Variants in MORC1 observed in about 807,000 individuals in gnomAD.
MORC1 encodes MORC family CW-type zinc finger protein 1.
In MORC1, 59 loss-of-function variants were observed where a neutral mutation model predicts 134.9. That is an observed-to-expected ratio of 0.44 (90% CI 0.35 to 0.54). The LOEUF (loss-of-function observed/expected upper bound fraction) is 0.54, where lower values mean the gene tolerates loss of function less well. Ranked by LOEUF, MORC1 falls within the 20% of genes least tolerant of loss-of-function variation. The pLI is 0.00. For synonymous variants in MORC1, 395 were observed against 391.7 expected (o/e 1.01, Z -0.10); for missense variants, 947 against 1,134.5 (o/e 0.83, Z 2.37).
At chr3:109,080,451 G>A (rs1465754123) in intron 8 of MORC1, among the ~76,000 whole-genome samples, 1 of 151,992 alleles carries the variant, frequency 6.6e-6, no homozygotes, top group Admixed American at 6.6e-5. Flanking sequence ...GATCTGGGTG[G>A]GGACACAGCC....
intron 24 of MORC1, among the ~76,000 whole-genome samples, chr3:108,971,792 G>A (rs1366350737): frequency 6.8e-6 from 1 of 147,436 alleles, no homozygotes; most frequent in African/African-American, 2.5e-5. Context: ...AAAATAAAAA[G>A]GTTACTGAAA....
At chr3:109,076,927 G>C (rs1158833970) in intron 8 of MORC1, among the ~76,000 whole-genome samples, 1 of 144,374 alleles carries the variant, frequency 6.9e-6, no homozygotes, top group Non-Finnish European at 1.5e-5. Flanking sequence ...GTATACCTAT[G>C]TAACAAACCT....
At chr3:109,113,644 C>G (rs1474682940) in intron 2 of MORC1, among the ~76,000 whole-genome samples, 1 of 151,592 alleles carries the variant, frequency 6.6e-6, no homozygotes, top group Non-Finnish European at 1.5e-5. Context: ...ATATAAAACA[C>G]GTCAAATGCT....
At chr3:109,088,964 C>G (rs1295203215) in intron 8 of MORC1, among the ~76,000 whole-genome samples, 1 of 152,038 alleles carries the variant, frequency 6.6e-6, no homozygotes, top group East Asian at 1.9e-4. Context: ...AACACAGGAA[C>G]AGAAAACTAA....
intron 21 of MORC1, among the ~76,000 whole-genome samples, chr3:108,994,293 T>C (rs16855140): frequency 0.031 from 4,760 of 152,142 alleles, 237 homozygotes; most frequent in African/African-American, 0.11. Context: ...AAAATGTCTA[T>C]AGATTGGGAA....
intron 23 of MORC1, among the ~76,000 whole-genome samples, chr3:108,983,320 T>C (rs1947801843): frequency 6.6e-6 from 1 of 152,138 alleles, no homozygotes; most frequent in South Asian, 2.1e-4. Flanking sequence ...CAGTCCCTAC[T>C]CTCATGGAGT....
chr3:109,061,424 T>C (rs1950080788), intron 11 of MORC1, among the ~76,000 whole-genome samples: 1 of 150,668 alleles, frequency 6.6e-6, no homozygotes, highest in South Asian at 2.1e-4. Flanking sequence ...ATGGGCATAT[T>C]GTTAAGAATT....
rs1179982392 is a variant in MORC1, at chr3:109,030,449, T to C, written c.1565+2271A>G. Among the ~76,000 whole-genome samples, 2 of 152,202 alleles carry C rather than the reference T, an allele frequency of 1.3e-5. 1 individual carries two copies. Among genetic ancestry groups the C allele is most frequent in the Admixed American group, 1.3e-4 (2 of 15,272 alleles). ...CTACATCACTGTTAAGGAGCTCCCA[T>C]GAAGGAAGTGCCAAATCTCAATTAA... On this transcript the variant is annotated intron_variant, in intron 16 of 27. Transcript: ENST00000232603.
At chr3:109,001,347 C>T (rs1310762337) in intron 20 of MORC1, among the ~76,000 whole-genome samples, 1 of 152,150 alleles carries the variant, frequency 6.6e-6, no homozygotes, top group Non-Finnish European at 1.5e-5. Flanking sequence ...ACCATTTCTT[C>T]ATCTTCCACT....
chr3:109,094,302 A>C (rs1950787281), intron 7 of MORC1, among the ~76,000 whole-genome samples: 1 of 152,180 alleles, frequency 6.6e-6, no homozygotes, highest in African/African-American at 2.4e-5. Flanking sequence ...GAGGACAACT[A>C]ATTATACTTT....
At chr3:109,110,443 T>C (rs1951137243) in intron 3 of MORC1, 1 of 282,298 alleles carries the variant, frequency 3.5e-6, no homozygotes, top group African/African-American at 2.2e-5. Flanking sequence ...TAACCGTTAA[T>C]TTAATATACT....
rs115305441 is a variant in MORC1 at position 109,022,295 on chromosome 3, T to A, written c.1704+5456A>T. 2.9e-3 allele frequency among the ~76,000 whole-genome samples: 435 copies of A among 152,292 alleles called. 7 individuals are homozygous for A. The highest frequency in any genetic ancestry group is 0.01 in the African/African-American group (418 of 41,568). ...CACAATAATGACACATTAAAAAGAT[T>A]AAGTTCTACATGGAAAAATGCATTC... On this transcript the variant is annotated intron_variant, in intron 17 of 27. Coordinates refer to ENST00000232603, the MANE Select transcript of MORC1 (RefSeq NM_014429.4).
At chr3:109,094,354 A>G (rs1950788398) in intron 7 of MORC1, among the ~76,000 whole-genome samples, 1 of 152,226 alleles carries the variant, frequency 6.6e-6, no homozygotes, top group African/African-American at 2.4e-5. Context: ...ATAGTAGCTA[A>G]GAACATGGGC....
At chr3:108,969,051 T>C (rs138172450) in intron 26 of MORC1, among the ~76,000 whole-genome samples, 12 of 152,102 alleles carry the variant, frequency 7.9e-5, no homozygotes, top group African/African-American at 2.7e-4. Context: ...CTCTGGACTC[T>C]TTCTCCCCCA....
chr3:109,057,523 T>C (rs1277834525), intron 12 of MORC1, 37 bp from the exon 13 acceptor site: 2 of 1,530,450 alleles, frequency 1.3e-6, no homozygotes, highest in African/African-American at 1.4e-5. Context: ...AAGTTGTTTA[T>C]TAAATAAACA....
chr3:109,043,928 C>A (rs909688984), intron 14 of MORC1, among the ~76,000 whole-genome samples: 4 of 152,116 alleles, frequency 2.6e-5, no homozygotes, highest in Non-Finnish European at 4.4e-5. Context: ...TTCATTAACT[C>A]CAAAATTATA....
intron 25 of MORC1, 33 bp from the exon 26 acceptor site, chr3:108,969,755 T>C: frequency 5.0e-6 from 8 of 1,597,856 alleles, no homozygotes; most frequent in Non-Finnish European, 6.9e-6. Flanking sequence ...AACAGGATAT[T>C]AGCTTTTAGA....
At chr3:108,994,931 G>C (rs1420839180) in intron 21 of MORC1, among the ~76,000 whole-genome samples, 1 of 152,106 alleles carries the variant, frequency 6.6e-6, no homozygotes, top group Non-Finnish European at 1.5e-5. Flanking sequence ...CTCTCACCTG[G>C]TGATGTAATT....
chr3:109,000,054 G>C (rs1202996380), intron 21 of MORC1, among the ~76,000 whole-genome samples: 3 of 152,104 alleles, frequency 2.0e-5, no homozygotes, highest in Non-Finnish European at 2.9e-5. Context: ...TGTATTCTTT[G>C]ATATCAACTA....
Sources: allele counts gnomAD v4.1 joint callset (sites outside exome capture counted in the v4.1 genomes callset), GRCh38; gene constraint gnomAD v4.1.1; transcripts MANE v1.5; gene names NCBI Gene and HGNC (gene_info 2026-07-23, HGNC 2026-07-21).